Variants in SPIDR observed in about 807,000 individuals in gnomAD.
SPIDR encodes scaffold protein involved in DNA repair, also known as DNA repair-scaffolding protein.
A neutral mutation model predicts 104.6 loss-of-function variants in SPIDR; 93 were observed. The ratio of observed to expected loss-of-function variants is 0.89; its 90% CI spans 0.75 to 1.06. The LOEUF is 1.06. Among genes scored for constraint, SPIDR ranks in the 50% least tolerant of loss-of-function variants. The pLI is 0.00. For synonymous variants in SPIDR, 431 were observed against 416.9 expected, an observed-to-expected ratio of 1.03 and a Z score of -0.41; for missense variants, 1,154 against 1,111.2, an observed-to-expected ratio of 1.04 and a Z score of -0.55.
At chr8:47,570,336 A>C (rs1421905583) in intron 8 of SPIDR, among the ~76,000 whole-genome samples, 1 of 152,214 alleles carries the variant, frequency 6.6e-6, no homozygotes, top group Non-Finnish European at 1.5e-5. Context: ...TCTTCCACAG[A>C]TGGTGCTGGG....
intron 8 of SPIDR, chr8:47,592,580 TTGA>T (rs939140605): frequency 7.9e-7 from 1 of 1,270,926 alleles, no homozygotes; most frequent in Non-Finnish European, 1.1e-6. Context: ...CTGGGTTTCC[TTGA>T]TGATCCTGCG....
At chr8:47,342,326 G>GCCTT (rs2050907582) in intron 5 of SPIDR, among the ~76,000 whole-genome samples, 2 of 120,932 alleles carry the variant, frequency 1.7e-5, no homozygotes, top group Non-Finnish European at 3.4e-5. Flanking sequence ...ACTTTCAAAG[G>GCCTT]TCTTTTTTTT....
At chr8:47,687,425 C>T (rs2077963512) in intron 11 of SPIDR, among the ~76,000 whole-genome samples, 1 of 152,230 alleles carries the variant, frequency 6.6e-6, no homozygotes, top group Non-Finnish European at 1.5e-5. Flanking sequence ...TGTCCCTCTC[C>T]TGATAGACAT....
chr8:47,650,393 C>CT (rs1205939686), intron 10 of SPIDR, among the ~76,000 whole-genome samples: 3 of 152,064 alleles, frequency 2.0e-5, no homozygotes, highest in Non-Finnish European at 4.4e-5. Flanking sequence ...TAGGAATATA[C>CT]TTAACCAAGG....
chr8:47,374,914 A>G (rs1195993908), intron 5 of SPIDR, among the ~76,000 whole-genome samples: 13 of 152,198 alleles, frequency 8.5e-5, no homozygotes, highest in African/African-American at 3.1e-4. Flanking sequence ...AAATTAGCCA[A>G]GTGTGGTGGC....
intron 10 of SPIDR, among the ~76,000 whole-genome samples, chr8:47,620,394 C>A (rs1401932813): frequency 2.6e-5 from 4 of 151,200 alleles, no homozygotes; most frequent in African/African-American, 9.7e-5. Flanking sequence ...CCTGCCTCAC[C>A]CTTCCAAGTA....
intron 8 of SPIDR, among the ~76,000 whole-genome samples, chr8:47,497,391 C>G (rs987295423): frequency 3.3e-5 from 5 of 152,048 alleles, no homozygotes; most frequent in Admixed American, 2.6e-4. Flanking sequence ...ATAAGTTGTG[C>G]TTTGTTGTAT....
chr8:47,426,578 A>T (rs1259197397), intron 7 of SPIDR, among the ~76,000 whole-genome samples: 3 of 152,192 alleles, frequency 2.0e-5, no homozygotes, highest in Admixed American at 2.0e-4. Flanking sequence ...AAACAAAACC[A>T]TATTTTACAC....
chr8:47,560,114 A>G (rs1295679852), intron 8 of SPIDR, among the ~76,000 whole-genome samples: 1 of 152,166 alleles, frequency 6.6e-6, no homozygotes, highest in Non-Finnish European at 1.5e-5. Flanking sequence ...ACTAAAGAGC[A>G]TTTCATCATT....
intron 11 of SPIDR, among the ~76,000 whole-genome samples, chr8:47,689,749 C>T (rs1051479894): frequency 1.3e-5 from 2 of 152,200 alleles, no homozygotes; most frequent in African/African-American, 4.8e-5. Flanking sequence ...CTGGGGGTGG[C>T]ATGGGAGCTC....
intron 8 of SPIDR, among the ~76,000 whole-genome samples, chr8:47,553,109 T>C (rs948225672): frequency 2.6e-5 from 4 of 152,222 alleles, no homozygotes; most frequent in African/African-American, 9.6e-5. Context: ...TTCTGGCTTG[T>C]GGAGTGTCTG....
chr8:47,677,999 T>G (rs1420588117), intron 11 of SPIDR, among the ~76,000 whole-genome samples: 1 of 151,134 alleles, frequency 6.6e-6, no homozygotes, highest in African/African-American at 2.4e-5. Context: ...AGCTCAGGAG[T>G]TCGAGACCAG....
intron 15 of SPIDR, 130 bp downstream of exon 15, chr8:47,713,002 A>G: frequency 2.7e-6 from 4 of 1,477,088 alleles, no homozygotes; most frequent in South Asian, 1.4e-5. Flanking sequence ...CATCACAGAC[A>G]TGGCCCATGT....
intron 19 of SPIDR, among the ~76,000 whole-genome samples, chr8:47,734,246 G>A (rs769617463): frequency 3.9e-5 from 6 of 152,086 alleles, no homozygotes; most frequent in Non-Finnish European, 8.8e-5. Flanking sequence ...CCACGGGCCA[G>A]CTGGAAGCTG....
chr8:47,676,450 G>A (rs1252672852), intron 11 of SPIDR, among the ~76,000 whole-genome samples: 1 of 151,846 alleles, frequency 6.6e-6, no homozygotes, highest in Admixed American at 6.6e-5. Flanking sequence ...GTTTTGGAAT[G>A]TGGGATGTTA....
chr8:47,726,102 A>G (rs1167663116), intron 16 of SPIDR, among the ~76,000 whole-genome samples: 1 of 152,210 alleles, frequency 6.6e-6, no homozygotes, highest in African/African-American at 2.4e-5. Context: ...ATTAGTCAAC[A>G]CTGCTTTCCA....
At chr8:47,298,718 C>A (rs1441737963) in intron 5 of SPIDR, among the ~76,000 whole-genome samples, 1 of 152,180 alleles carries the variant, frequency 6.6e-6, no homozygotes, top group Non-Finnish European at 1.5e-5. Flanking sequence ...GGAATCCTTT[C>A]CCCATTTCTT....
intron 5 of SPIDR, among the ~76,000 whole-genome samples, chr8:47,330,203 T>G (rs576449582): frequency 6.6e-6 from 1 of 152,284 alleles, no homozygotes; most frequent in African/African-American, 2.4e-5. Context: ...AAGGTGCTTT[T>G]TTTTTTTAAA....
intron 16 of SPIDR, among the ~76,000 whole-genome samples, chr8:47,720,370 T>C (rs1270747466): frequency 6.6e-6 from 1 of 152,228 alleles, no homozygotes; most frequent in Admixed American, 6.5e-5. Flanking sequence ...CTGGATCATA[T>C]GTTTAGTTTT....
Sources: allele counts gnomAD v4.1 joint callset (sites outside exome capture counted in the v4.1 genomes callset), GRCh38; gene constraint gnomAD v4.1.1; transcripts MANE v1.5; gene names NCBI Gene and HGNC (gene_info 2026-07-23, HGNC 2026-07-21).